The following OTUD7A variants were observed in gnomAD, a reference collection of about 807,000 sequenced individuals.
OTUD7A encodes the protein OTU domain-containing protein 7A.
Under a neutral mutation model 65.7 loss-of-function variants are expected in OTUD7A, and 12 were observed. The ratio of observed to expected loss-of-function variants is 0.18; its 90% CI spans 0.12 to 0.30. The LOEUF is 0.30. Among genes scored for constraint, OTUD7A ranks in the 10% least tolerant of loss-of-function variants. The pLI is 1.00. For missense variants in OTUD7A, 1,148 were observed against 1,304.8 expected (o/e 0.88, Z 1.85); for synonymous variants, 641 against 586.3 (o/e 1.09, Z -1.35).
intron 3 of OTUD7A, among the ~76,000 whole-genome samples, chr15:31,578,697 G>A (rs941616237): frequency 6.6e-6 from 1 of 152,034 alleles, no homozygotes; most frequent in Non-Finnish European, 1.5e-5. Flanking sequence ...GACTACAGGC[G>A]CCTGCCACTA....
At chr15:31,546,022 G>A (rs1037767158) in intron 5 of OTUD7A, among the ~76,000 whole-genome samples, 4 of 152,342 alleles carry the variant, frequency 2.6e-5, no homozygotes, top group African/African-American at 9.6e-5. Context: ...CCACATGGAT[G>A]AAATGATGTA....
chr15:31,846,660 G>C (rs1044515515), intron 1 of OTUD7A, among the ~76,000 whole-genome samples: 1 of 152,028 alleles, frequency 6.6e-6, no homozygotes, highest in Non-Finnish European at 1.5e-5. Flanking sequence ...AACAACCACC[G>C]CACATTCAAC....
chr15:31,483,441 G>T lies in OTUD7A; in HGVS notation c.2655C>A (p.Cys885Ter). ...DAPTARSNGE[C>*]GRGGPGPVQR... ...GCACCGGCCCCGGGCCGCCACGGCC[G>T]CACTCACCGTTCGAGCGCGCGGTCG... is the stretch of plus-strand genomic sequence containing the variant. The change falls in exon 13 of 13, where the codon TGC becomes TGA. Residue 885 changes from cysteine to a stop codon, truncating the protein, a stop_gained. Coordinates refer to ENST00000307050, the MANE Select transcript of OTUD7A (RefSeq NM_001382637.1). LOFTEE classifies it high-confidence loss of function. 1 of 1,382,346 alleles carries T rather than the reference G, an allele frequency of 7.2e-7. No homozygotes were observed. The highest frequency in any genetic ancestry group is 9.4e-7 in the Non-Finnish European group (1 of 1,068,380). The allele number at this position is 1,382,346 out of a possible 1,614,324, so 85.6% of individuals were successfully genotyped here. A position where few individuals can be genotyped will look rare whatever the true frequency, so the allele number is the denominator to read the frequency against.
At chr15:31,491,175 AG>A (rs2041313617) in intron 10 of OTUD7A, among the ~76,000 whole-genome samples, 1 of 152,222 alleles carries the variant, frequency 6.6e-6, no homozygotes, top group Non-Finnish European at 1.5e-5. Flanking sequence ...AGCAGTTTAT[AG>A]AACAAGACTC....
intron 5 of OTUD7A, among the ~76,000 whole-genome samples, chr15:31,536,231 A>G (rs1342739189): frequency 6.6e-6 from 1 of 152,240 alleles, no homozygotes; most frequent in Admixed American, 6.5e-5. Context: ...GAATGTGTCT[A>G]TGGAAAGGAT....
At chr15:31,602,593 G>GTT (rs888878453) in intron 3 of OTUD7A, among the ~76,000 whole-genome samples, 6 of 152,152 alleles carry the variant, frequency 3.9e-5, no homozygotes, top group Non-Finnish European at 8.8e-5. Flanking sequence ...AGTATTGGAA[G>GTT]TTCTAGCCAG....
In OTUD7A at chr15:31,606,469, T is replaced by C. The variant is rs143799391; in HGVS notation, c.152-36272A>G. ...AATAAATTAGTCAGAAATGGATGAATAACAAAGTTAACTGGATTTTTTAGT... is the reference window on the plus strand; with the variant it reads ...AATAAATTAGTCAGAAATGGATGAACAACAAAGTTAACTGGATTTTTTAGT... On this transcript the variant is annotated intron_variant, in intron 3 of 12. Transcript: ENST00000307050. Among the ~76,000 whole-genome samples the C allele has an allele frequency of 4.9e-4, 75 of 152,344 alleles. No individual in the cohort carries two copies. The East Asian group carries it at 0.013, about 25-fold the overall frequency.
rs571362105 is a variant in OTUD7A at position 31,693,793 on chromosome 15, C to T, written c.-99-36716G>A. Among the ~76,000 whole-genome samples, 508 of 152,160 alleles carry T rather than the reference C, an allele frequency of 3.3e-3. 2 individuals carry two copies. Among genetic ancestry groups the T allele is most frequent in the Non-Finnish European group, 6.3e-3 (428 of 67,994 alleles). ...CAGCACACACGGGAAACCCATCAGC[C>T]GGGCTTCCCCAGGTCTGGGATCAGT... On this transcript the variant is annotated intron_variant, in intron 1 of 12. Coordinates refer to ENST00000307050, the MANE Select transcript of OTUD7A (RefSeq NM_001382637.1).
chr15:31,697,400 C>T lies in OTUD7A; in HGVS notation c.-99-40323G>A, dbSNP rs534666884. 6.1e-3 allele frequency among the ~76,000 whole-genome samples: 881 copies of T among 143,768 alleles called. 9 individuals are homozygous for T. Among genetic ancestry groups the T allele is most frequent in the African/African-American group, 0.022 (840 of 38,986 alleles). The allele number at this position is 143,768 out of a possible 152,430, so 94.3% of individuals were successfully genotyped here. A position where few individuals can be genotyped will look rare whatever the true frequency, so the allele number is the denominator to read the frequency against. ...CAATCACCCTGTTAATCTGTTTACT[C>T]GCATGCTGTCTGCTGAATCTTGCTA... is the stretch of plus-strand genomic sequence containing the variant. On this transcript the variant is annotated intron_variant, in intron 1 of 12. Coordinates refer to ENST00000307050, the MANE Select transcript of OTUD7A (RefSeq NM_001382637.1).
At chr15:31,605,140 G>A (rs1247841716) in intron 3 of OTUD7A, among the ~76,000 whole-genome samples, 3 of 152,172 alleles carry the variant, frequency 2.0e-5, no homozygotes, top group Admixed American at 6.5e-5. Flanking sequence ...ATTTTGGGTG[G>A]GAGTTAGAAC....
At chr15:31,789,732 G>A (rs780236450) in intron 1 of OTUD7A, among the ~76,000 whole-genome samples, 1 of 134,604 alleles carries the variant, frequency 7.4e-6, no homozygotes, top group East Asian at 2.1e-4. Context: ...TTTTGAGACC[G>A]AGTTTCACTC....
At chr15:31,629,456 G>A (rs905177653) in intron 3 of OTUD7A, among the ~76,000 whole-genome samples, 88 of 152,194 alleles carry the variant, frequency 5.8e-4, no homozygotes, top group Non-Finnish European at 1.0e-3. Flanking sequence ...CTTGATCATG[G>A]TGGATAAGCT....
At chr15:31,816,544 A>T (rs34965924) in intron 1 of OTUD7A, among the ~76,000 whole-genome samples, 1 of 118,658 alleles carries the variant, frequency 8.4e-6, no homozygotes, top group Non-Finnish European at 1.9e-5. Flanking sequence ...CAAAAAAAAA[A>T]ATAGCCTGGC....
intron 3 of OTUD7A, among the ~76,000 whole-genome samples, chr15:31,621,464 A>C (rs1890781351): frequency 6.6e-6 from 1 of 152,162 alleles, no homozygotes. Context: ...TATTGGGTGC[A>C]TATATATTTA....
intron 3 of OTUD7A, among the ~76,000 whole-genome samples, chr15:31,607,245 G>C (rs1890264281): frequency 6.6e-6 from 1 of 152,192 alleles, no homozygotes; most frequent in South Asian, 2.1e-4. Context: ...AAGTCTTATG[G>C]ATCTGGGCAG....
rs1459975579 is a variant in OTUD7A, at chr15:31,691,411, A to G, written c.-99-34334T>C. Reference sequence around the variant, plus strand: ...GACACATCAACCAATGGAACAGAACAGAGAACCCACAAATAAATCCACACA... The same window carrying G: ...GACACATCAACCAATGGAACAGAACGGAGAACCCACAAATAAATCCACACA... On this transcript the variant is annotated intron_variant, in intron 1 of 12. Transcript: ENST00000307050. Among the ~76,000 whole-genome samples, 4 of 152,344 alleles carry G rather than the reference A, an allele frequency of 2.6e-5. No individual in the cohort carries two copies. The East Asian group carries it at 7.7e-4, about 29-fold the overall frequency.
Position 31,482,468 on chromosome 15 carries a change from C to T in OTUD7A, c.*826G>A, listed in dbSNP as rs900417044. 2 of 152,318 alleles carry T rather than the reference C, an allele frequency of 1.3e-5. No homozygotes were observed. Among genetic ancestry groups the T allele is most frequent in the East Asian group, 3.9e-4 (2 of 5,194 alleles). 9.4% of individuals were successfully genotyped at this position (152,318 alleles called of 1,614,324 possible). Reference sequence around the variant, plus strand: ...CCTTCAAAGGAGAAATGTGAGCAGCCTGTCCTATCTGCTCCTCTATGAGCA... The same window carrying T: ...CCTTCAAAGGAGAAATGTGAGCAGCTTGTCCTATCTGCTCCTCTATGAGCA... On this transcript the variant is annotated 3_prime_UTR_variant, in exon 13 of 13. Transcript: ENST00000307050.
At chr15:31,727,952 G>A (rs912282897) in intron 1 of OTUD7A, among the ~76,000 whole-genome samples, 9 of 152,172 alleles carry the variant, frequency 5.9e-5, no homozygotes, top group African/African-American at 2.2e-4. Flanking sequence ...CACAGATGAA[G>A]CTGTCAGTAG....
chr15:31,800,929 T>C (rs200120364), intron 1 of OTUD7A, among the ~76,000 whole-genome samples: 2 of 151,874 alleles, frequency 1.3e-5, no homozygotes, highest in Non-Finnish European at 2.9e-5. Context: ...CATCCCTCCA[T>C]GGGTCTCAGA....
Sources: gnomAD v4.1 joint callset for allele counts (sites outside exome capture counted in the v4.1 genomes callset) on GRCh38, gnomAD v4.1.1 for gene constraint, MANE v1.5 for transcripts, NCBI Gene and HGNC (gene_info 2026-07-23, HGNC 2026-07-21) for gene names.